The following OR6N1 variants were observed in gnomAD, a reference collection of about 807,000 sequenced individuals.
OR6N1 encodes olfactory receptor family 6 subfamily N member 1.
For synonymous variants in OR6N1, 170 were observed against 150.7 expected (o/e 1.13, Z -0.94); for missense variants, 394 against 371.7 (o/e 1.06, Z -0.49).
At chr1:158,784,298 A>G in the OR6N1 span, among the ~76,000 whole-genome samples, 1 of 152,208 alleles carries the variant, frequency 6.6e-6, no homozygotes, top group Admixed American at 6.5e-5. Context: ...TTTTTGACAC[A>G]TAATAATTGT....
the OR6N1 span, among the ~76,000 whole-genome samples, chr1:158,784,996 A>G: frequency 6.6e-6 from 1 of 152,220 alleles, no homozygotes; most frequent in African/African-American, 2.4e-5. Context: ...GTTTCCATCA[A>G]TATCTAGCTT....
chr1:158,801,818 A>G, the OR6N1 span, among the ~76,000 whole-genome samples: 1 of 152,066 alleles, frequency 6.6e-6, no homozygotes, highest in East Asian at 1.9e-4. Context: ...GGAAAGATCA[A>G]AGCCTTTACC....
chr1:158,792,227 T>C, the OR6N1 span, among the ~76,000 whole-genome samples: 1 of 152,264 alleles, frequency 6.6e-6, no homozygotes, highest in Non-Finnish European at 1.5e-5. Context: ...TTCTCCCTTT[T>C]AGTTTCCCTT....
At chr1:158,802,166 G>T in the OR6N1 span, among the ~76,000 whole-genome samples, 1 of 149,902 alleles carries the variant, frequency 6.7e-6, no homozygotes, top group East Asian at 2.0e-4. Flanking sequence ...GCCTCTTCTG[G>T]GACTCTAGAA....
chr1:158,775,779 T>C (rs1299096638), upstream of OR6N1: 1 of 152,260 alleles, frequency 6.6e-6, no homozygotes, highest in African/African-American at 2.4e-5. Flanking sequence ...TTGATTGGAA[T>C]TATGGTTGTA....
the OR6N1 span, chr1:158,777,385 T>C: frequency 6.2e-7 from 1 of 1,614,132 alleles, no homozygotes; most frequent in Non-Finnish European, 8.5e-7. Flanking sequence ...ACTGAGAATA[T>C]TAGACAACAT....
the OR6N1 span, among the ~76,000 whole-genome samples, chr1:158,794,282 A>G: frequency 1.5e-4 from 23 of 152,180 alleles, no homozygotes; most frequent in Non-Finnish European, 2.9e-4. Flanking sequence ...ATTTAAAGAC[A>G]TTCCCCAACT....
chr1:158,833,509 A>G, the OR6N1 span, among the ~76,000 whole-genome samples: 1 of 152,190 alleles, frequency 6.6e-6, no homozygotes, highest in African/African-American at 2.4e-5. Context: ...GAGCTTGGCA[A>G]ACATCATTCT....
the OR6N1 span, among the ~76,000 whole-genome samples, chr1:158,814,261 A>G: frequency 6.6e-6 from 1 of 152,134 alleles, no homozygotes; most frequent in African/African-American, 2.4e-5. Flanking sequence ...ACATATATGT[A>G]TATTATATGT....
the OR6N1 span, among the ~76,000 whole-genome samples, chr1:158,779,608 C>A: frequency 6.6e-6 from 1 of 152,308 alleles, no homozygotes; most frequent in South Asian, 2.1e-4. Context: ...TTAAAAGACT[C>A]TTCTTGATTC....
chr1:158,797,495 T>C, the OR6N1 span, among the ~76,000 whole-genome samples: 1 of 152,228 alleles, frequency 6.6e-6, no homozygotes, highest in Non-Finnish European at 1.5e-5. Flanking sequence ...AGTGATAATT[T>C]CTGCACTGTA....
At chr1:158,796,489 T>G in the OR6N1 span, among the ~76,000 whole-genome samples, 1 of 152,210 alleles carries the variant, frequency 6.6e-6, no homozygotes, top group South Asian at 2.1e-4. Context: ...CTCTGCCTGA[T>G]CCATTCCGCT....
chr1:158,804,735 G>GA, the OR6N1 span, among the ~76,000 whole-genome samples: 5 of 151,852 alleles, frequency 3.3e-5, no homozygotes, highest in South Asian at 2.1e-4. Context: ...TAAATGTTAG[G>GA]AAAAAAATGA....
At chr1:158,811,963 T>C in the OR6N1 span, among the ~76,000 whole-genome samples, 1 of 152,130 alleles carries the variant, frequency 6.6e-6, no homozygotes. Flanking sequence ...TAATTAGAGG[T>C]TCTCATTCAG....
At chr1:158,809,953 C>T in the OR6N1 span, among the ~76,000 whole-genome samples, 1 of 151,964 alleles carries the variant, frequency 6.6e-6, no homozygotes, top group Non-Finnish European at 1.5e-5. Flanking sequence ...AAAGGAAAAC[C>T]GTGAAGTCAA....
the OR6N1 span, among the ~76,000 whole-genome samples, chr1:158,815,645 T>A: frequency 3.9e-5 from 6 of 152,310 alleles, no homozygotes; most frequent in East Asian, 1.2e-3. Context: ...AAACTAGGCA[T>A]GAATTTCCAT....
chr1:158,826,912 T>G, the OR6N1 span, among the ~76,000 whole-genome samples: 1 of 152,094 alleles, frequency 6.6e-6, no homozygotes, highest in Non-Finnish European at 1.5e-5. Flanking sequence ...GAAATGAGGC[T>G]AGAGAAATAA....
chr1:158,829,636 A>T, the OR6N1 span, among the ~76,000 whole-genome samples: 1 of 152,174 alleles, frequency 6.6e-6, no homozygotes, highest in Non-Finnish European at 1.5e-5. Flanking sequence ...TGAGCCTTCC[A>T]AACTGTTACC....
At position 158,766,016 on chromosome 1, in the gene OR6N1, A is replaced by G; in HGVS notation, c.667T>C (p.Cys223Arg). 1 of 1,614,206 alleles carries G rather than the reference A, an allele frequency of 6.2e-7. No homozygotes were observed. Among genetic ancestry groups the G allele is most frequent in the Non-Finnish European group, 8.5e-7 (1 of 1,180,042 alleles). ...LILCSYVQII[C>R]TVLRIPSAAG... ...GCTGAGGGAATTCTGAGCACTGTGCAGATGATCTGCACATAGGAGCAGAGG... is the reference window on the plus strand; with the variant it reads ...GCTGAGGGAATTCTGAGCACTGTGCGGATGATCTGCACATAGGAGCAGAGG... The change falls in exon 2 of 2, where the codon TGC becomes CGC. Residue 223 changes from cysteine to arginine, a missense_variant. Transcript: ENST00000641846.
Sources: allele counts gnomAD v4.1 joint callset (sites outside exome capture counted in the v4.1 genomes callset), GRCh38; gene constraint gnomAD v4.1.1; transcripts MANE v1.5; gene names NCBI Gene and HGNC (gene_info 2026-07-23, HGNC 2026-07-21).